Variants in FNDC5 observed in about 807,000 individuals in gnomAD.
The protein encoded by FNDC5 is fibronectin type III domain containing 5, also known as fibronectin type III domain-containing protein 5.
A neutral mutation model predicts 24.6 loss-of-function variants in FNDC5; 10 were observed. The ratio of observed to expected loss-of-function variants is 0.41; its 90% CI spans 0.25 to 0.69. The LOEUF is 0.69. FNDC5 is among the 30% of genes least tolerant of loss of function. The pLI is 0.34. For synonymous variants in FNDC5, 90 were observed against 110.7 expected, an observed-to-expected ratio of 0.81 and a Z score of 1.18; for missense variants, 226 against 282.9, an observed-to-expected ratio of 0.80 and a Z score of 1.44.
intron 4 of FNDC5, among the ~76,000 whole-genome samples, chr1:32,865,495 C>T (rs1641054301): frequency 6.6e-6 from 1 of 151,510 alleles, no homozygotes; most frequent in African/African-American, 2.4e-5. Flanking sequence ...ACTAAAAATA[C>T]AAAAATTAGC....
chr1:32,871,034 C>T (rs1405335508), upstream of FNDC5: 1 of 150,504 alleles, frequency 6.6e-6, no homozygotes, highest in African/African-American at 2.4e-5. Flanking sequence ...ACTCCCGCCC[C>T]CGCTGCCTAT....
Position 32,864,705 on chromosome 1 carries a change from TG to T in FNDC5, c.591del (p.Ser198AlafsTer78). On this transcript the variant is annotated frameshift_variant, in exon 5 of 6. Transcript: ENST00000373471. LOFTEE classifies it high-confidence loss of function. ...CCCCCGCCCTGGTGCTCTGGTGTGC[TG>T]GTTTCTGATGCACTCTTGGTTTTTT... 1 of 1,614,216 alleles carries T rather than the reference TG, an allele frequency of 6.2e-7. No homozygotes were observed. The highest frequency in any genetic ancestry group is 8.5e-7 in the Non-Finnish European group (1 of 1,180,046).
At chr1:32,870,543 G>T in intron 1 of FNDC5, 110 bp downstream of exon 1, 1 of 567,606 alleles carries the variant, frequency 1.8e-6, no homozygotes, top group Non-Finnish European at 2.4e-6. Context: ...GCAGTGTTTG[G>T]GCCGAGACAG....
At chr1:32,867,963 G>A in intron 3 of FNDC5, 121 bp from the exon 4 acceptor site, 1 of 1,087,410 alleles carries the variant, frequency 9.2e-7, no homozygotes, top group Non-Finnish European at 1.4e-6. Flanking sequence ...ATACATTCTA[G>A]AATGCACTGA....
chr1:32,867,521 G>A (rs1641093139), intron 4 of FNDC5, among the ~76,000 whole-genome samples: 1 of 152,224 alleles, frequency 6.6e-6, no homozygotes, highest in Non-Finnish European at 1.5e-5. Context: ...GCGAAGGCAA[G>A]TACTCATCTA....
chr1:32,864,625 G>A lies in FNDC5; in HGVS notation c.633+39C>T, dbSNP rs778991988. On this transcript the variant is annotated intron_variant, in intron 5 of 5. Transcript: ENST00000373471. ...AGTCCAGGGATTACCAGAGCATGAG[G>A]CACAGGGTGGCCCACCCAGGCCCAG... 3 of 1,612,904 alleles carry A rather than the reference G, an allele frequency of 1.9e-6. No homozygotes were observed. The Admixed American group carries it at 5.0e-5, about 27-fold the overall frequency.
At chr1:32,865,614 C>T (rs1462231979) in intron 4 of FNDC5, among the ~76,000 whole-genome samples, 16 of 152,012 alleles carry the variant, frequency 1.1e-4, no homozygotes, top group Admixed American at 4.6e-4. Context: ...CAGGCCACTG[C>T]ACTCCAGCCT....
chr1:32,867,604 C>A, intron 4 of FNDC5, 149 bp downstream of exon 4: 1 of 673,640 alleles, frequency 1.5e-6, no homozygotes. Flanking sequence ...AGATCTGTTT[C>A]CCAGAACTGT....
chr1:32,869,447 A>G (rs902377591), intron 1 of FNDC5, among the ~76,000 whole-genome samples: 1 of 152,228 alleles, frequency 6.6e-6, no homozygotes, highest in African/African-American at 2.4e-5. Context: ...CGCGAAGGAG[A>G]AAGACCCAGA....
At position 32,864,187 on chromosome 1, in the gene FNDC5, G is replaced by A; in HGVS notation, c.*107C>T. On this transcript the variant is annotated 3_prime_UTR_variant, in exon 6 of 6. Coordinates refer to ENST00000373471, the MANE Select transcript of FNDC5 (RefSeq NM_153756.3). ...CAAGGAGATGGAGGGAAGAGATGTAGAGAGGGCCAGATGTTTGTTGGATAA... is the reference window on the plus strand; with the variant it reads ...CAAGGAGATGGAGGGAAGAGATGTAAAGAGGGCCAGATGTTTGTTGGATAA... 1 of 1,609,482 alleles carries A rather than the reference G, an allele frequency of 6.2e-7. No individual in the cohort carries two copies. The highest frequency in any genetic ancestry group is 1.1e-5 in the South Asian group (1 of 90,162).
In FNDC5 at chr1:32,869,007, G is replaced by A. The variant is rs941528674; in HGVS notation, c.95-10C>T. The A allele has an allele frequency of 5.5e-5, 67 of 1,227,682 alleles. No homozygotes were observed. Among genetic ancestry groups the A allele is most frequent in the Middle Eastern group, 3.1e-4 (1 of 3,216 alleles). 76.0% of individuals were successfully genotyped at this position (1,227,682 alleles called of 1,614,324 possible). On this transcript the variant is annotated splice_polypyrimidine_tract_variant and intron_variant, in intron 1 of 5. Coordinates refer to ENST00000373471, the MANE Select transcript of FNDC5 (RefSeq NM_153756.3). Reference sequence around the variant, plus strand: ...GGGGCTGAGGGACTGTCTGGGGGACGGGGAGGCACCTAAGCCTGAGCATCC... The same window carrying A: ...GGGGCTGAGGGACTGTCTGGGGGACAGGGAGGCACCTAAGCCTGAGCATCC...
chr1:32,864,417 G>T, intron 5 of FNDC5, 118 bp from the exon 6 acceptor site: 3 of 1,516,872 alleles, frequency 2.0e-6, no homozygotes, highest in Non-Finnish European at 2.6e-6. Context: ...CGCCAACCAA[G>T]AATTCTGCCC....
chr1:32,871,160 C>T (rs1032063507), upstream of FNDC5, among the ~76,000 whole-genome samples: 3 of 151,932 alleles, frequency 2.0e-5, no homozygotes, highest in African/African-American at 7.2e-5. Context: ...CTCTCCCGTG[C>T]ACAGCCCTGA....
At chr1:32,871,622 A>T (rs1043147911), upstream of FNDC5, among the ~76,000 whole-genome samples, 2 of 152,222 alleles carry the variant, frequency 1.3e-5, no homozygotes, top group African/African-American at 4.8e-5. Flanking sequence ...AGGAGCCTGC[A>T]GCTTGGACAG....
In FNDC5 at chr1:32,868,868, C is replaced by A; in HGVS notation, c.210+14G>T. On this transcript the variant is annotated intron_variant, in intron 2 of 5. Coordinates refer to ENST00000373471, the MANE Select transcript of FNDC5 (RefSeq NM_153756.3). The surrounding 1 kb of genome is among the most constrained non-coding windows in gnomAD (Gnocchi z 4.8). Reference sequence around the variant, plus strand: ...TTGATGTGTCCTTCCCTCCTAAGGACAGTGGAGCATTACCTGCTGGGAGAT... The same window carrying A: ...TTGATGTGTCCTTCCCTCCTAAGGAAAGTGGAGCATTACCTGCTGGGAGAT... 5 of 1,237,036 alleles carry A rather than the reference C, an allele frequency of 4.0e-6. No individual in the cohort carries two copies. The highest frequency in any genetic ancestry group is 5.1e-6 in the Non-Finnish European group (5 of 989,328). The allele number at this position is 1,237,036 out of a possible 1,614,324, so 76.6% of individuals were successfully genotyped here.
rs1026029820 is a variant in FNDC5, at chr1:32,868,455, G to T, written c.211-67C>A. ...CAGCCCCGCTCCTGCCCACCTCCCAGTGGTGACAAAGCCTTTACATACACA... is the reference window on the plus strand; with the variant it reads ...CAGCCCCGCTCCTGCCCACCTCCCATTGGTGACAAAGCCTTTACATACACA... On this transcript the variant is annotated intron_variant, in intron 2 of 5. Coordinates refer to ENST00000373471, the MANE Select transcript of FNDC5 (RefSeq NM_153756.3). The surrounding 1 kb of genome is among the most constrained non-coding windows in gnomAD (Gnocchi z 4.8). 1 of 1,522,186 alleles carries T rather than the reference G, an allele frequency of 6.6e-7. No individual in the cohort carries two copies. The highest frequency in any genetic ancestry group is 8.9e-7 in the Non-Finnish European group (1 of 1,120,864). 94.3% of individuals were successfully genotyped at this position (1,522,186 alleles called of 1,614,324 possible).
chr1:32,867,897 C>T (rs1641103742), intron 3 of FNDC5, 55 bp from the exon 4 acceptor site: 1 of 1,553,952 alleles, frequency 6.4e-7, no homozygotes, highest in African/African-American at 1.4e-5. Flanking sequence ...AGCCACTCCT[C>T]TAGGGCCAAG....
intron 4 of FNDC5, among the ~76,000 whole-genome samples, chr1:32,866,712 A>T (rs1641077432): frequency 6.6e-6 from 1 of 152,212 alleles, no homozygotes; most frequent in African/African-American, 2.4e-5. Flanking sequence ...AAAATGAAAA[A>T]GAAAAAAGAA....
At chr1:32,864,342 C>T in intron 5 of FNDC5, 43 bp from the exon 6 acceptor site, 1 of 1,611,432 alleles carries the variant, frequency 6.2e-7, no homozygotes, top group Non-Finnish European at 8.5e-7. Context: ...GGTAAAGCAC[C>T]TGCCCAAGGT....
Sources: allele counts gnomAD v4.1 joint callset (sites outside exome capture counted in the v4.1 genomes callset), GRCh38; gene constraint gnomAD v4.1.1; non-coding constraint Gnocchi (gnomAD v3.1); transcripts MANE v1.5; gene names NCBI Gene and HGNC (gene_info 2026-07-23, HGNC 2026-07-21).